Variants in MSI2 observed in about 807,000 individuals in gnomAD.
MSI2 encodes the protein musashi RNA binding protein 2.
A neutral mutation model predicts 45.6 loss-of-function variants in MSI2; 17 were observed. That is an observed-to-expected ratio of 0.37 (90% CI 0.26 to 0.56). The LOEUF (loss-of-function observed/expected upper bound fraction) is 0.56. Ranked by LOEUF, MSI2 falls within the 20% of genes least tolerant of loss-of-function variation. The pLI is 0.77. For missense variants in MSI2, 293 were observed against 444.2 expected (o/e 0.66, Z 3.06); for synonymous variants, 156 against 158.2 (o/e 0.99, Z 0.11).
At chr17:57,578,140 G>C (rs1053291011) in intron 7 of MSI2, among the ~76,000 whole-genome samples, 4 of 152,146 alleles carry the variant, frequency 2.6e-5, no homozygotes, top group African/African-American at 9.7e-5. Flanking sequence ...CTATCTGCAG[G>C]GGGAAGACAA....
At chr17:57,447,579 G>A (rs971421323) in intron 6 of MSI2, among the ~76,000 whole-genome samples, 1 of 149,424 alleles carries the variant, frequency 6.7e-6, no homozygotes, top group Non-Finnish European at 1.5e-5. Context: ...AGTATGTGGA[G>A]TGGCATGGGT....
chr17:57,553,808 C>A (rs1370331647), intron 7 of MSI2, among the ~76,000 whole-genome samples: 3 of 152,152 alleles, frequency 2.0e-5, no homozygotes, highest in African/African-American at 7.2e-5. Flanking sequence ...GAGGAAAGAG[C>A]CGGCAGCCCT....
intron 5 of MSI2, among the ~76,000 whole-genome samples, chr17:57,318,422 T>C (rs1282866003): frequency 6.6e-6 from 1 of 152,168 alleles, no homozygotes; most frequent in Non-Finnish European, 1.5e-5. Flanking sequence ...TTTCCTCACT[T>C]CTGAGGCTAC....
intron 7 of MSI2, among the ~76,000 whole-genome samples, chr17:57,530,675 C>T (rs138548555): frequency 1.3e-5 from 2 of 152,102 alleles, no homozygotes; most frequent in Non-Finnish European, 2.9e-5. Context: ...CCACTTGGAT[C>T]GCATTTAGAT....
intron 12 of MSI2, 82 bp from the exon 13 acceptor site, chr17:57,676,905 A>G: frequency 1.1e-6 from 1 of 907,832 alleles, no homozygotes. Flanking sequence ...AACTAGTCCT[A>G]GAGATAATTT....
At chr17:57,468,613 G>A (rs1462987779) in intron 6 of MSI2, among the ~76,000 whole-genome samples, 1 of 152,068 alleles carries the variant, frequency 6.6e-6, no homozygotes, top group Non-Finnish European at 1.5e-5. Flanking sequence ...AAAGTTGTGG[G>A]ACTGACATCT....
At chr17:57,357,823 C>T (rs932197673) in intron 5 of MSI2, among the ~76,000 whole-genome samples, 6 of 152,138 alleles carry the variant, frequency 3.9e-5, no homozygotes, top group East Asian at 1.9e-4. Flanking sequence ...CTTAGTGTTC[C>T]GATTAATACA....
chr17:57,698,637 T>C, the MSI2 span, among the ~76,000 whole-genome samples: 1 of 152,224 alleles, frequency 6.6e-6, no homozygotes, highest in African/African-American at 2.4e-5. Context: ...GGGTTTATTG[T>C]TATGGGTCTG....
chr17:57,294,460 C>G (rs1910751035), intron 5 of MSI2, among the ~76,000 whole-genome samples: 1 of 152,200 alleles, frequency 6.6e-6, no homozygotes, highest in South Asian at 2.1e-4. Flanking sequence ...TCTTGGGCAA[C>G]TCTTTGCCTT....
At chr17:57,624,449 C>T (rs961939433) in intron 9 of MSI2, among the ~76,000 whole-genome samples, 1 of 152,160 alleles carries the variant, frequency 6.6e-6, no homozygotes, top group African/African-American at 2.4e-5. Flanking sequence ...CGAAGGAAGG[C>T]GCCAGTATGC....
intron 7 of MSI2, among the ~76,000 whole-genome samples, chr17:57,563,707 GTC>G (rs577585040): frequency 6.9e-6 from 1 of 145,408 alleles, no homozygotes. Context: ...CTGTCTGTCT[GTC>G]TCTCTCTCTC....
chr17:57,355,335 C>T (rs575183830), intron 5 of MSI2, among the ~76,000 whole-genome samples: 1 of 152,302 alleles, frequency 6.6e-6, no homozygotes, highest in South Asian at 2.1e-4. Flanking sequence ...AGGAAAGTTC[C>T]CTGATTGGCC....
chr17:57,605,721 C>G (rs1373069320), intron 8 of MSI2, among the ~76,000 whole-genome samples: 1 of 152,244 alleles, frequency 6.6e-6, no homozygotes, highest in East Asian at 1.9e-4. Context: ...CTAGTTTCCC[C>G]AGGGCCTGGG....
intron 8 of MSI2, chr17:57,608,465 T>C (rs9303395): frequency 0.97 from 148,591 of 152,494 alleles, 72,433 homozygotes; most frequent in East Asian, 1. Context: ...CCGGGCCACT[T>C]CACCTCCCCT....
intron 6 of MSI2, among the ~76,000 whole-genome samples, chr17:57,512,760 C>T (rs1005568695): frequency 1.3e-5 from 2 of 152,202 alleles, no homozygotes; most frequent in African/African-American, 4.8e-5. Flanking sequence ...TGTGTCTCAT[C>T]CTGGGTACTC....
At chr17:57,620,265 A>G (rs1908166049) in intron 9 of MSI2, among the ~76,000 whole-genome samples, 1 of 152,160 alleles carries the variant, frequency 6.6e-6, no homozygotes, top group African/African-American at 2.4e-5. Context: ...ATCTTACTTC[A>G]TGGGGTTGTT....
chr17:57,385,764 C>T (rs1409459877), intron 5 of MSI2, among the ~76,000 whole-genome samples: 1 of 152,258 alleles, frequency 6.6e-6, no homozygotes, highest in Admixed American at 6.5e-5. Context: ...CATCATATTT[C>T]CCTGACTGGT....
intron 7 of MSI2, among the ~76,000 whole-genome samples, chr17:57,547,920 G>C (rs1040164234): frequency 5.9e-5 from 9 of 152,130 alleles, no homozygotes; most frequent in Admixed American, 3.3e-4. Context: ...GAGAAAGGGT[G>C]GTTGTTTGGT....
At chr17:57,351,929 G>GGAAT (rs1486114599) in intron 5 of MSI2, among the ~76,000 whole-genome samples, 1 of 152,166 alleles carries the variant, frequency 6.6e-6, no homozygotes, top group Non-Finnish European at 1.5e-5. Context: ...TATACTTGAT[G>GGAAT]GAATGAATGA....
Sources: allele counts gnomAD v4.1 joint callset (sites outside exome capture counted in the v4.1 genomes callset), GRCh38; gene constraint gnomAD v4.1.1; transcripts MANE v1.5; gene names NCBI Gene and HGNC (gene_info 2026-07-23, HGNC 2026-07-21).